CEP89: variants seen among roughly 807,000 people sequenced by gnomAD.
CEP89 encodes the protein centrosomal protein 89.
In CEP89, 95 loss-of-function variants were observed where a neutral mutation model predicts 97.6. That is an observed-to-expected ratio of 0.97 (90% CI 0.82 to 1.15). The LOEUF (loss-of-function observed/expected upper bound fraction) is 1.15, where lower values mean the gene tolerates loss of function less well. Among genes scored for constraint, CEP89 ranks in the 50% most tolerant of loss-of-function variants. The pLI is 0.00. For missense variants in CEP89, 869 were observed against 947.7 expected, an observed-to-expected ratio of 0.92 and a Z score of 1.09; for synonymous variants, 354 against 349.1, an observed-to-expected ratio of 1.01 and a Z score of -0.16.
intron 1 of CEP89, among the ~76,000 whole-genome samples, chr19:32,968,633 A>C (rs192806587): frequency 7.2e-5 from 11 of 151,838 alleles, no homozygotes; most frequent in Admixed American, 2.6e-4. Flanking sequence ...TTTTTTTTTA[A>C]AGAGTGAATC....
Position 32,948,347 on chromosome 19 carries a change from T to C in CEP89, c.514A>G (p.Asn172Asp), listed in dbSNP as rs2145950949. Residue 172 changes from asparagine to aspartate, a missense_variant, in exon 5 of 19, where the codon AAC (asparagine) becomes GAC (aspartate). Physicochemically the swap from Asn to Asp is conservative, Grantham distance 23. Transcript: ENST00000305768. ...RNQVPLLHEV[N>D]SEDDENISHQ... Reference sequence around the variant, plus strand: ...GAAATATTTTCATCGTCTTCACTGTTCACCTCATGTAACAATGGCACCTTT... The same window carrying C: ...GAAATATTTTCATCGTCTTCACTGTCCACCTCATGTAACAATGGCACCTTT... 6.2e-7 allele frequency: 1 copy of C among 1,610,078 alleles called. No individual in the cohort carries two copies. Among genetic ancestry groups the C allele is most frequent in the South Asian group, 1.1e-5 (1 of 90,704 alleles).
chr19:32,948,261 T>C lies in CEP89; in HGVS notation c.595+5A>G, dbSNP rs201834628. 38 of 1,521,314 alleles carry C rather than the reference T, an allele frequency of 2.5e-5. No individual in the cohort carries two copies. The African/African-American group carries it at 2.5e-4, about 10-fold the overall frequency. 94.2% of individuals were successfully genotyped at this position (1,521,314 alleles called of 1,614,324 possible). A position where few individuals can be genotyped will look rare whatever the true frequency, so the allele number is the denominator to read the frequency against. ...TTTATAAAAATTGTGGTTTTTTTTT[T>C]CTACCTTTTTGTTGTGTCCGCTGTG... On this transcript the variant is annotated splice_donor_5th_base_variant and intron_variant, in intron 5 of 18. Transcript: ENST00000305768.
chr19:32,911,943 A>G (rs916166650), intron 14 of CEP89, among the ~76,000 whole-genome samples: 1 of 152,124 alleles, frequency 6.6e-6, no homozygotes, highest in Non-Finnish European at 1.5e-5. Flanking sequence ...AAAACATACA[A>G]AAGGCCAGGC....
chr19:32,933,689 A>C lies in CEP89; in HGVS notation c.668-20T>G. ...TTATATCTGAAAGGGTTCAGGGGAA[A>C]ATTTTACAATGTTAATTGATGTTGA... is the stretch of plus-strand genomic sequence containing the variant. On this transcript the variant is annotated intron_variant, in intron 7 of 18. Transcript: ENST00000305768. 6.9e-7 allele frequency: 1 copy of C among 1,447,672 alleles called. No homozygotes were observed. The highest frequency in any genetic ancestry group is 1.2e-5 in the South Asian group (1 of 85,450). 89.7% of individuals were successfully genotyped at this position (1,447,672 alleles called of 1,614,324 possible).
chr19:32,906,605 GCATCCTGCCTTGAATCAAC>G (rs1338801801), intron 14 of CEP89, among the ~76,000 whole-genome samples: 1 of 151,574 alleles, frequency 6.6e-6, no homozygotes, highest in Non-Finnish European at 1.5e-5. Flanking sequence ...TGCTTCTCAG[GCATCCTGCCTTGAATCAAC>G]CATCCCCTCC....
At position 32,878,720 on chromosome 19, in the gene CEP89, C is replaced by T. The variant is rs1969214118; in HGVS notation, c.*442G>A. Reference sequence around the variant, plus strand: ...CAGTGGCTCACACGTGTCATTCCCGCACTTTGGGAGGCCAAGGCAGGAGGA... The same window carrying T: ...CAGTGGCTCACACGTGTCATTCCCGTACTTTGGGAGGCCAAGGCAGGAGGA... On this transcript the variant is annotated 3_prime_UTR_variant, in exon 19 of 19. Coordinates refer to ENST00000305768, the MANE Select transcript of CEP89 (RefSeq NM_032816.5). 1 of 154,804 alleles carries T rather than the reference C, an allele frequency of 6.5e-6. No individual in the cohort carries two copies. Among genetic ancestry groups the T allele is most frequent in the Non-Finnish European group, 1.4e-5 (1 of 69,888 alleles). 9.6% of individuals were successfully genotyped at this position (154,804 alleles called of 1,614,324 possible).
At chr19:32,916,299 C>T (rs1970125903) in intron 13 of CEP89, among the ~76,000 whole-genome samples, 1 of 151,974 alleles carries the variant, frequency 6.6e-6, no homozygotes, top group Non-Finnish European at 1.5e-5. Context: ...ACCAAAAAAG[C>T]CAAAAGAAAT....
At chr19:32,930,466 A>G (rs1056291203) in intron 9 of CEP89, among the ~76,000 whole-genome samples, 7 of 152,082 alleles carry the variant, frequency 4.6e-5, no homozygotes, top group African/African-American at 1.7e-4. Context: ...TATATTTCAA[A>G]GCTGTTATTA....
At chr19:32,966,143 A>G (rs973975341) in intron 2 of CEP89, 1 of 391,696 alleles carries the variant, frequency 2.6e-6, no homozygotes, top group Non-Finnish European at 4.5e-6. Context: ...GAAATGTGAG[A>G]AGTTCATGCA....
chr19:32,923,908 T>G lies in CEP89; in HGVS notation c.1165-366A>C, dbSNP rs144961986. Among the ~76,000 whole-genome samples, 368 of 152,230 alleles carry G rather than the reference T, an allele frequency of 2.4e-3. 1 individual carries two copies. Among genetic ancestry groups the G allele is most frequent in the African/African-American group, 8.6e-3 (357 of 41,544 alleles). ...TGTTTGAAGATGCAGGAGAATAAAT[T>G]GGAGGTTTTTAATATAAAAAATAAG... is the stretch of plus-strand genomic sequence containing the variant. On this transcript the variant is annotated intron_variant, in intron 11 of 18. Coordinates refer to ENST00000305768, the MANE Select transcript of CEP89 (RefSeq NM_032816.5).
At chr19:32,926,081 G>C in intron 11 of CEP89, 109 bp downstream of exon 11, 1 of 775,986 alleles carries the variant, frequency 1.3e-6, no homozygotes. Flanking sequence ...TAAACATTTG[G>C]TTATCTATAA....
At chr19:32,903,955 T>C (rs917364946) in intron 14 of CEP89, among the ~76,000 whole-genome samples, 20 of 151,958 alleles carry the variant, frequency 1.3e-4, no homozygotes, top group African/African-American at 4.6e-4. Context: ...AGGCCAGGAG[T>C]TTGAGACCAG....
At chr19:32,952,177 G>A (rs1386834139) in intron 4 of CEP89, among the ~76,000 whole-genome samples, 1 of 152,094 alleles carries the variant, frequency 6.6e-6, no homozygotes, top group Non-Finnish European at 1.5e-5. Flanking sequence ...AGCTCCTGAA[G>A]ACCATTTAAA....
chr19:32,917,286 C>T (rs529685245), intron 13 of CEP89, among the ~76,000 whole-genome samples: 43 of 152,258 alleles, frequency 2.8e-4, no homozygotes, highest in African/African-American at 1.0e-3. Flanking sequence ...GGCAAATACT[C>T]CTGGGCCATG....
At chr19:32,946,186 C>T (rs1285548220) in intron 5 of CEP89, among the ~76,000 whole-genome samples, 3 of 152,202 alleles carry the variant, frequency 2.0e-5, no homozygotes, top group African/African-American at 7.2e-5. Context: ...CAGCCCTGAC[C>T]TCCTTCCTGG....
intron 9 of CEP89, 162 bp downstream of exon 9, chr19:32,931,267 G>T: frequency 1.7e-6 from 1 of 595,090 alleles, no homozygotes. Context: ...AGAAGGAAGG[G>T]AAGGAGGCAA....
intron 14 of CEP89, among the ~76,000 whole-genome samples, chr19:32,910,744 G>T (rs68093303): frequency 0.31 from 46,926 of 151,864 alleles, 7,645 homozygotes; most frequent in Admixed American, 0.41. Context: ...CCTGCAGAGG[G>T]ACAGGATCAT....
At position 32,953,631 on chromosome 19, in the gene CEP89, A is replaced by G. The variant is rs1970973205; in HGVS notation, c.476T>C (p.Val159Ala). Residue 159 changes from valine to alanine, a missense_variant, in exon 4 of 19, where the codon GTG (valine) becomes GCG (alanine). By Grantham distance (64) the Val-to-Ala change is moderately conservative. Coordinates refer to ENST00000305768, the MANE Select transcript of CEP89 (RefSeq NM_032816.5). Reference sequence around the variant, plus strand: ...AGAAAACACCTGATTTCTGTGTGGCACAGCGTACAGGTCATCACTGTGGCC... The same window carrying G: ...AGAAAACACCTGATTTCTGTGTGGCGCAGCGTACAGGTCATCACTGTGGCC... ...RGGHSDDLYA[V>A]PHRNQVPLLH... 1 of 1,607,924 alleles carries G rather than the reference A, an allele frequency of 6.2e-7. No homozygotes were observed. Among genetic ancestry groups the G allele is most frequent in the Non-Finnish European group, 8.5e-7 (1 of 1,176,552 alleles).
At chr19:32,923,763 A>G (rs552953391) in intron 11 of CEP89, among the ~76,000 whole-genome samples, 1 of 152,322 alleles carries the variant, frequency 6.6e-6, no homozygotes, top group Non-Finnish European at 1.5e-5. Flanking sequence ...AAGGCCAAGT[A>G]CAAGAGGCAA....
Sources: allele counts gnomAD v4.1 joint callset (sites outside exome capture counted in the v4.1 genomes callset), GRCh38; gene constraint gnomAD v4.1.1; transcripts MANE v1.5; gene names NCBI Gene and HGNC (gene_info 2026-07-23, HGNC 2026-07-21).